HOOK2: variants seen among roughly 807,000 people sequenced by gnomAD.
HOOK2 encodes the protein hook microtubule tethering protein 2, also known as protein Hook homolog 2.
Under a neutral mutation model 111.9 loss-of-function variants are expected in HOOK2, and 108 were observed. That is an observed-to-expected ratio of 0.96 (90% CI 0.83 to 1.13). The LOEUF is 1.13. Ranked by LOEUF, HOOK2 falls within the 50% of genes most tolerant of loss-of-function variation. The pLI is 0.00. For synonymous variants in HOOK2, 405 were observed against 394.3 expected, an observed-to-expected ratio of 1.03 and a Z score of -0.32; for missense variants, 978 against 951.3, an observed-to-expected ratio of 1.03 and a Z score of -0.37.
intron 1 of HOOK2, 148 bp downstream of exon 1, chr19:12,775,257 G>A: frequency 2.1e-6 from 3 of 1,451,132 alleles, no homozygotes. Flanking sequence ...GACGGGGGCG[G>A]GTGCTCGGGC....
At chr19:12,765,797 AG>A in intron 17 of HOOK2, 31 bp downstream of exon 17, 1 of 1,613,832 alleles carries the variant, frequency 6.2e-7, no homozygotes, top group Non-Finnish European at 8.5e-7. Context: ...GGGTGAGGGT[AG>A]GGGGTGCCAT....
At position 12,769,837 on chromosome 19, in the gene HOOK2, C is replaced by T. The variant is rs1057360175; in HGVS notation, c.1104+44G>A. The T allele has an allele frequency of 2.2e-6, 3 of 1,362,064 alleles. No individual in the cohort carries two copies. In the Admixed American group the frequency reaches 1.2e-4, roughly 53 times the overall value. 84.4% of individuals were successfully genotyped at this position (1,362,064 alleles called of 1,614,324 possible). On this transcript the variant is annotated intron_variant, in intron 11 of 22. Coordinates refer to ENST00000397668, the MANE Select transcript of HOOK2 (RefSeq NM_013312.3). ...GGGCTGGCCAACGGTGAGAGACTTG[C>T]TGCCAGGGGCGGGGCCCCGGCCCTA...
At position 12,763,030 on chromosome 19, in the gene HOOK2, A is replaced by T; in HGVS notation, c.*252T>A. On this transcript the variant is annotated 3_prime_UTR_variant, in exon 23 of 23. Coordinates refer to ENST00000397668, the MANE Select transcript of HOOK2 (RefSeq NM_013312.3). Reference sequence around the variant, plus strand: ...AGATTGAACGCCTTTATTTTTCTCAAATATAAAATCAGAGTCTCCTGAGGC... The same window carrying T: ...AGATTGAACGCCTTTATTTTTCTCATATATAAAATCAGAGTCTCCTGAGGC... 1 of 486,690 alleles carries T rather than the reference A, an allele frequency of 2.1e-6. No homozygotes were observed. The highest frequency in any genetic ancestry group is 3.1e-5 in the South Asian group (1 of 32,150). 30.1% of individuals were successfully genotyped at this position (486,690 alleles called of 1,614,324 possible).
chr19:12,774,080 AG>A, intron 3 of HOOK2: 1 of 154,084 alleles, frequency 6.5e-6, no homozygotes, highest in Admixed American at 6.2e-5. Context: ...TGGCATCAAA[AG>A]TTTTTTCTTT....
Position 12,765,638 on chromosome 19 carries a change from A to G in HOOK2, c.1640+52T>C, listed in dbSNP as rs535595627. 3 of 1,606,900 alleles carry G rather than the reference A, an allele frequency of 1.9e-6. No homozygotes were observed. In the South Asian group the frequency reaches 3.3e-5, roughly 18 times the overall value. On this transcript the variant is annotated intron_variant, in intron 18 of 22. Coordinates refer to ENST00000397668, the MANE Select transcript of HOOK2 (RefSeq NM_013312.3). ...GTGGCACATGCCTAAGAAACTCCCC[A>G]CTAATATCAAATCCATGCCCCCACG... is the stretch of plus-strand genomic sequence containing the variant.
In HOOK2 at chr19:12,790,823, G is replaced by C. The variant is rs1051610471; in HGVS notation, n.42-16598C>G. ...ATGCCTCCTTCCCGCTTACGGGAGAGCCTCAGACTCTGGACTCAGCTCCCA... is the reference window on the plus strand; with the variant it reads ...ATGCCTCCTTCCCGCTTACGGGAGACCCTCAGACTCTGGACTCAGCTCCCA... On this transcript the variant is annotated intron_variant and non_coding_transcript_variant, in intron 3 of 3. Coordinates refer to the HOOK2 transcript ENST00000589765. The surrounding 1 kb of genome is among the most constrained non-coding windows in gnomAD (Gnocchi z 7.2). Among the ~76,000 whole-genome samples, 3 of 152,126 alleles carry C rather than the reference G, an allele frequency of 2.0e-5. No homozygotes were observed. Among genetic ancestry groups the C allele is most frequent in the African/African-American group, 7.2e-5 (3 of 41,410 alleles).
intron 3 of HOOK2, 86 bp from the exon 4 acceptor site, chr19:12,773,130 C>G: frequency 3.1e-6 from 4 of 1,296,766 alleles, no homozygotes; most frequent in Non-Finnish European, 4.5e-6. Context: ...CCTCACTTCT[C>G]CTTCCCTGCT....
chr19:12,773,125 C>T (rs1968385652), intron 3 of HOOK2, 81 bp from the exon 4 acceptor site: 3 of 1,350,802 alleles, frequency 2.2e-6, no homozygotes, highest in Admixed American at 1.7e-5. Flanking sequence ...CTCCACCTCA[C>T]TTCTCCTTCC....
chr19:12,774,807 C>T lies in HOOK2; in HGVS notation c.131+5G>A. On this transcript the variant is annotated splice_donor_5th_base_variant and intron_variant, in intron 2 of 22. Transcript: ENST00000397668. The stretch of plus-strand genomic sequence containing the variant: ...TTTGGGATCCTCCCCTTCAGCTCCA[C>T]TCACATCTGGTTCAGCACATAGGCT... 1.9e-6 allele frequency: 3 copies of T among 1,614,110 alleles called. No homozygotes were observed. The highest frequency in any genetic ancestry group is 2.5e-6 in the Non-Finnish European group (3 of 1,179,964).
chr19:12,774,963 G>A (rs1968451628), intron 1 of HOOK2, 66 bp from the exon 2 acceptor site: 1 of 1,469,080 alleles, frequency 6.8e-7, no homozygotes, highest in Non-Finnish European at 9.3e-7. Context: ...CTCCCCTTTT[G>A]CAGACTTTTC....
At chr19:12,783,976 C>T (rs548414219) in intron 3 of HOOK2, among the ~76,000 whole-genome samples, 2 of 151,562 alleles carry the variant, frequency 1.3e-5, no homozygotes, top group Non-Finnish European at 3.0e-5. Context: ...CACCTCCCCG[C>T]CCCCCACCCT....
At chr19:12,775,050 C>T (rs1198273484) in intron 1 of HOOK2, among the ~76,000 whole-genome samples, 153 bp from the exon 2 acceptor site, 1 of 152,158 alleles carries the variant, frequency 6.6e-6, no homozygotes, top group East Asian at 1.9e-4. Context: ...TTCTGCTCAC[C>T]TGAGACCGGA....
intron 14 of HOOK2, among the ~76,000 whole-genome samples, chr19:12,767,051 G>T (rs1346354265): frequency 1.3e-5 from 2 of 152,132 alleles, no homozygotes; most frequent in Non-Finnish European, 2.9e-5. Context: ...AGTTAATCCC[G>T]GCAGGGCACA....
In HOOK2 at chr19:12,763,769, T is replaced by C; in HGVS notation, c.1837A>G (p.Thr613Ala). ...GCTGGCCGCTGCTTGGGTTCCATGG[T>C]CTGCATGACCTACAGGTTGAGGAAG... ...YVDKARMVMQTMEPKQRPAAG... is the reference protein window; with the variant it reads ...YVDKARMVMQAMEPKQRPAAG... Residue 613 changes from threonine (T) to alanine (A), a missense_variant, in exon 21 of 23, where the codon ACC (threonine) becomes GCC (alanine). Physicochemically the swap from Thr to Ala is moderately conservative, Grantham distance 58. This residue lies in a region of HOOK2 where 277 missense variants were observed against 265.8 expected (regional missense o/e 1.04). Transcript: ENST00000397668. 6.2e-7 allele frequency: 1 copy of C among 1,614,036 alleles called. No homozygotes were observed. The highest frequency in any genetic ancestry group is 8.5e-7 in the Non-Finnish European group (1 of 1,179,912).
intron 17 of HOOK2, 31 bp from the exon 18 acceptor site, chr19:12,765,755 G>C: frequency 6.2e-7 from 1 of 1,614,174 alleles, no homozygotes; most frequent in Non-Finnish European, 8.5e-7. Flanking sequence ...GGTGAGTGGG[G>C]GATCCAGAGA....
chr19:12,772,166 A>G, intron 7 of HOOK2, 24 bp downstream of exon 7: 1 of 1,563,368 alleles, frequency 6.4e-7, no homozygotes, highest in Non-Finnish European at 8.8e-7. Flanking sequence ...TGTGCCTGGA[A>G]CACCTTTCCC....
rs1348714468 is a variant in HOOK2 at position 12,764,997 on chromosome 19, A to G, written c.1723+2T>C. The G allele has an allele frequency of 6.2e-7, 1 of 1,614,008 alleles. No homozygotes were observed. The highest frequency in any genetic ancestry group is 8.5e-7 in the Non-Finnish European group (1 of 1,179,948). ...ACCCTCTGGTCACTAGGTCCTACTT[A>G]CTGCTGCTGTCAGTGGGTGGCTCCA... On this transcript the variant is annotated splice_donor_variant, in intron 19 of 22. Coordinates refer to ENST00000397668, the MANE Select transcript of HOOK2 (RefSeq NM_013312.3). LOFTEE classifies it high-confidence loss of function.
chr19:12,790,487 G>T lies in HOOK2; in HGVS notation n.42-16262C>A, dbSNP rs1277911135. 6.6e-6 allele frequency among the ~76,000 whole-genome samples: 1 copy of T among 152,230 alleles called. No individual in the cohort carries two copies. The highest frequency in any genetic ancestry group is 6.5e-5 in the Admixed American group (1 of 15,278). ...CAATAGGGGAGGGTTTTAGGATGGG[G>T]GACAGAGAATACAGATGACTAAGAG... On this transcript the variant is annotated intron_variant and non_coding_transcript_variant, in intron 3 of 3. Transcript: ENST00000589765. The surrounding 1 kb of genome is among the most constrained non-coding windows in gnomAD (Gnocchi z 7.2).
chr19:12,775,526 C>T lies in HOOK2; in HGVS notation c.-77G>A, dbSNP rs1299954243. The T allele has an allele frequency of 5.3e-6, 8 of 1,507,282 alleles. No homozygotes were observed. The East Asian group carries it at 1.6e-4, about 30-fold the overall frequency. 93.4% of individuals were successfully genotyped at this position (1,507,282 alleles called of 1,614,324 possible). ...CTCCGGGTCCGCCACCAGCGAGCGC[C>T]CGCAGCCCCGACCTCCCGCTCGGCC... On this transcript the variant is annotated 5_prime_UTR_variant, in exon 1 of 23. Coordinates refer to ENST00000397668, the MANE Select transcript of HOOK2 (RefSeq NM_013312.3).
Sources: gnomAD v4.1 joint callset for allele counts (sites outside exome capture counted in the v4.1 genomes callset) on GRCh38, gnomAD v4.1.1 for gene constraint, gnomAD v4.1.1 regional missense constraint, Gnocchi (gnomAD v3.1) non-coding constraint, MANE v1.5 for transcripts, NCBI Gene and HGNC (gene_info 2026-07-23, HGNC 2026-07-21) for gene names.